The following KLF12 variants were observed in gnomAD, a reference collection of about 807,000 sequenced individuals.
KLF12 encodes the protein Krueppel-like factor 12.
A neutral mutation model predicts 37.8 loss-of-function variants in KLF12; 9 were observed. The ratio of observed to expected loss-of-function variants is 0.24; its 90% confidence interval spans 0.14 to 0.42. KLF12 has a LOEUF of 0.42. Ranked by LOEUF, KLF12 falls within the 10% of genes least tolerant of loss-of-function variation. The probability of loss-of-function intolerance (pLI) is 1.00; values close to 1 mark genes in which losing one functional copy is unlikely to be tolerated. For missense variants in KLF12, 411 were observed against 516.0 expected, an observed-to-expected ratio of 0.80 and a Z score of 1.97; for synonymous variants, 208 against 202.1, an observed-to-expected ratio of 1.03 and a Z score of -0.25.
At chr13:74,227,871 G>A in the KLF12 span, among the ~76,000 whole-genome samples, 13 of 152,152 alleles carry the variant, frequency 8.5e-5, no homozygotes, top group East Asian at 1.5e-3. Context: ...GATATATCAG[G>A]ATAACAGATA....
chr13:74,009,385 T>C (rs1309707647), intron 1 of KLF12, among the ~76,000 whole-genome samples: 2 of 152,206 alleles, frequency 1.3e-5, no homozygotes, highest in African/African-American at 4.8e-5. Flanking sequence ...GAAGAAAGGA[T>C]AGTAACCTCC....
chr13:73,708,672 T>TTTATTTTTTA (rs1566310097), intron 7 of KLF12, among the ~76,000 whole-genome samples: 1 of 152,200 alleles, frequency 6.6e-6, no homozygotes, highest in African/African-American at 2.4e-5. Flanking sequence ...TAGAAAATAG[T>TTTATTTTTTA]GAGAATTCTA....
At chr13:73,827,724 G>A (rs183271037) in intron 4 of KLF12, among the ~76,000 whole-genome samples, 16 of 152,106 alleles carry the variant, frequency 1.1e-4, no homozygotes, top group African/African-American at 3.4e-4. Flanking sequence ...CACCATGCTC[G>A]GCTAATTTTT....
At chr13:73,986,844 A>G (rs951337864) in intron 2 of KLF12, among the ~76,000 whole-genome samples, 1 of 151,988 alleles carries the variant, frequency 6.6e-6, no homozygotes, top group Non-Finnish European at 1.5e-5. Context: ...CAGTCCTAGG[A>G]CCTCCAGAAG....
At chr13:74,166,867 C>T in the KLF12 span, among the ~76,000 whole-genome samples, 1 of 152,208 alleles carries the variant, frequency 6.6e-6, no homozygotes, top group African/African-American at 2.4e-5. Flanking sequence ...TGAGTTATCT[C>T]ACTGATTTAT....
At chr13:73,904,291 A>G (rs926332960) in intron 3 of KLF12, among the ~76,000 whole-genome samples, 2 of 152,168 alleles carry the variant, frequency 1.3e-5, no homozygotes, top group African/African-American at 4.8e-5. Context: ...GTTTTCTGGG[A>G]TGTATAGGTT....
the KLF12 span, among the ~76,000 whole-genome samples, chr13:74,292,194 G>GCT: frequency 1.3e-5 from 2 of 152,182 alleles, no homozygotes; most frequent in South Asian, 4.1e-4. Context: ...TGATTCAAGA[G>GCT]CTCTCTCTCT....
In KLF12 at chr13:73,983,241, C is replaced by T. The variant is rs1416594975; in HGVS notation, c.33+11749G>A. On this transcript the variant is annotated intron_variant, in intron 2 of 7. Coordinates refer to ENST00000377669, the MANE Select transcript of KLF12 (RefSeq NM_007249.5). Reference sequence around the variant, plus strand: ...GAACGCCAGGCAACCAACCCTGGCACAGTCTAAGACTTAACATGCGATTAA... The same window carrying T: ...GAACGCCAGGCAACCAACCCTGGCATAGTCTAAGACTTAACATGCGATTAA... 3.3e-5 allele frequency among the ~76,000 whole-genome samples: 5 copies of T among 152,300 alleles called. No homozygotes were observed. In the East Asian group the frequency reaches 5.8e-4, roughly 18 times the overall value.
At chr13:74,092,105 C>T (rs748803590) in intron 1 of KLF12, among the ~76,000 whole-genome samples, 9 of 150,778 alleles carry the variant, frequency 6.0e-5, no homozygotes, top group East Asian at 2.0e-4. Flanking sequence ...CTGGCTAACA[C>T]GGTGAAACCC....
chr13:73,760,467 C>G (rs1566348933), intron 6 of KLF12, among the ~76,000 whole-genome samples: 1 of 151,962 alleles, frequency 6.6e-6, no homozygotes, highest in Non-Finnish European at 1.5e-5. Flanking sequence ...CAGGTGCATA[C>G]CATCACGCCT....
intron 5 of KLF12, among the ~76,000 whole-genome samples, chr13:73,791,544 A>G (rs527592603): frequency 6.6e-6 from 1 of 152,328 alleles, no homozygotes; most frequent in East Asian, 1.9e-4. Context: ...TGTGAATGGC[A>G]GTAGGATCCA....
intron 3 of KLF12, among the ~76,000 whole-genome samples, chr13:73,895,822 C>A (rs1003339929): frequency 6.9e-6 from 1 of 144,046 alleles, no homozygotes. Flanking sequence ...CCATGGAATT[C>A]TTTTTTTTTT....
chr13:73,864,497 G>A (rs545375525), intron 3 of KLF12, among the ~76,000 whole-genome samples: 2 of 152,122 alleles, frequency 1.3e-5, no homozygotes, highest in African/African-American at 4.8e-5. Flanking sequence ...AATTATATCA[G>A]ATTGTAAATA....
intron 2 of KLF12, among the ~76,000 whole-genome samples, chr13:73,979,173 T>A (rs1891621537): frequency 6.6e-6 from 1 of 152,186 alleles, no homozygotes. Context: ...CTTTGGGTGA[T>A]AATGATACCT....
chr13:74,051,611 C>A (rs1187313633), intron 1 of KLF12, among the ~76,000 whole-genome samples: 1 of 151,936 alleles, frequency 6.6e-6, no homozygotes. Context: ...CAGACTCAAC[C>A]ATGTACATCA....
chr13:73,936,744 G>A (rs1414017758), intron 3 of KLF12, among the ~76,000 whole-genome samples: 2 of 152,190 alleles, frequency 1.3e-5, no homozygotes, highest in South Asian at 2.1e-4. Context: ...AGTTCATCAC[G>A]TTTTCTGCTC....
intron 1 of KLF12, among the ~76,000 whole-genome samples, chr13:74,094,750 C>T (rs1264148705): frequency 6.6e-6 from 1 of 152,070 alleles, no homozygotes; most frequent in African/African-American, 2.4e-5. Flanking sequence ...CAGGTGCCCA[C>T]CACCACGCCC....
At chr13:74,001,701 T>C (rs1180020965) in intron 1 of KLF12, among the ~76,000 whole-genome samples, 1 of 152,224 alleles carries the variant, frequency 6.6e-6, no homozygotes, top group Admixed American at 6.5e-5. Flanking sequence ...ACAACAATAG[T>C]TGATTAAAAT....
chr13:73,900,846 A>G (rs1009751574), intron 3 of KLF12, among the ~76,000 whole-genome samples: 1 of 152,128 alleles, frequency 6.6e-6, no homozygotes, highest in Non-Finnish European at 1.5e-5. Context: ...ACACATTCTC[A>G]TCAGGGTTAC....
Sources: allele counts gnomAD v4.1 joint callset (sites outside exome capture counted in the v4.1 genomes callset), GRCh38; gene constraint gnomAD v4.1.1; transcripts MANE v1.5; gene names NCBI Gene and HGNC (gene_info 2026-07-23, HGNC 2026-07-21).